The following FRS2 variants were observed in gnomAD, a reference collection of about 807,000 sequenced individuals.
The protein encoded by FRS2 is fibroblast growth factor receptor substrate 2.
Under a neutral mutation model 43.9 loss-of-function variants are expected in FRS2, and 8 were observed. The ratio of observed to expected loss-of-function variants is 0.18; its 90% CI spans 0.11 to 0.33. FRS2 has a LOEUF of 0.33. FRS2 is among the 10% of genes least tolerant of loss of function. FRS2 has a pLI of 1.00. For missense variants in FRS2, 534 were observed against 627.6 expected (o/e 0.85, Z 1.59); for synonymous variants, 219 against 220.3 (o/e 0.99, Z 0.05).
chr12:69,549,458 C>T (rs568553176), intron 3 of FRS2, among the ~76,000 whole-genome samples: 24 of 152,196 alleles, frequency 1.6e-4, no homozygotes, highest in Non-Finnish European at 2.8e-4. Context: ...CAAATCATCA[C>T]GTCTAACTTT....
At chr12:69,551,197 A>T (rs1158186764) in intron 3 of FRS2, among the ~76,000 whole-genome samples, 1 of 152,126 alleles carries the variant, frequency 6.6e-6, no homozygotes, top group African/African-American at 2.4e-5. Context: ...CAAAACATTT[A>T]AAAAATTAGC....
At chr12:69,519,189 G>A (rs939155598) in intron 1 of FRS2, among the ~76,000 whole-genome samples, 4 of 152,156 alleles carry the variant, frequency 2.6e-5, no homozygotes, top group African/African-American at 7.2e-5. Context: ...AGAAGAGGTT[G>A]TCAAATACTG....
rs1555192498 is a variant in FRS2, at chr12:69,557,619, T to TGTGTGTGTGTGCGCGCGC, written c.-121-4560_-121-4559insTGTGTGTGTGCGCGCGCG. Reference sequence around the variant, plus strand: ...TTGTGTGTGTGTGTGTGTGTGTGTGTGCGCGCGCGCGCGCGCGCAGGTGCA... The same window carrying TGTGTGTGTGTGCGCGCGC: ...TTGTGTGTGTGTGTGTGTGTGTGTGTGTGTGTGTGTGCGCGCGCGCGCGCGCGCGCGCGCGCAGGTGCA... On this transcript the variant is annotated intron_variant, in intron 3 of 8. Coordinates refer to ENST00000549921, the MANE Select transcript of FRS2 (RefSeq NM_001278356.2). 4.2e-5 allele frequency among the ~76,000 whole-genome samples: 5 copies of TGTGTGTGTGTGCGCGCGC among 118,964 alleles called. No homozygotes were observed. In the East Asian group the frequency reaches 9.9e-4, roughly 24 times the overall value. 78.0% of individuals were successfully genotyped at this position (118,964 alleles called of 152,430 possible).
At chr12:69,509,605 T>A (rs1023239831) in intron 1 of FRS2, among the ~76,000 whole-genome samples, 6 of 152,124 alleles carry the variant, frequency 3.9e-5, no homozygotes, top group Non-Finnish European at 8.8e-5. Context: ...CATTTCCCCC[T>A]CCCTAGCTCT....
At chr12:69,569,351 C>T (rs915575798) in intron 5 of FRS2, among the ~76,000 whole-genome samples, 7 of 152,036 alleles carry the variant, frequency 4.6e-5, no homozygotes, top group Admixed American at 6.5e-5. Context: ...TGCCATTTTA[C>T]GGGGTGCCTT....
At chr12:69,526,984 A>G (rs1322036606) in intron 1 of FRS2, among the ~76,000 whole-genome samples, 1 of 152,188 alleles carries the variant, frequency 6.6e-6, no homozygotes, top group Admixed American at 6.5e-5. Context: ...TGGCCTCCCA[A>G]AGTGCTAGGA....
intron 3 of FRS2, among the ~76,000 whole-genome samples, chr12:69,548,716 A>G (rs1018739764): frequency 1.3e-5 from 2 of 152,210 alleles, no homozygotes; most frequent in Non-Finnish European, 2.9e-5. Flanking sequence ...GAAATCAGCA[A>G]GTGATATTGG....
At chr12:69,526,925 A>G (rs1339139056) in intron 1 of FRS2, among the ~76,000 whole-genome samples, 1 of 152,062 alleles carries the variant, frequency 6.6e-6, no homozygotes, top group East Asian at 1.9e-4. Flanking sequence ...GGGTTTCACC[A>G]TGTTATCCAG....
chr12:69,495,071 G>A (rs1342250339), intron 1 of FRS2, among the ~76,000 whole-genome samples: 3 of 152,000 alleles, frequency 2.0e-5, no homozygotes, highest in South Asian at 2.1e-4. Context: ...TCGCCTGGCC[G>A]CTTCTAGGTT....
chr12:69,572,687 C>G (rs986692423), intron 8 of FRS2, among the ~76,000 whole-genome samples: 3 of 152,172 alleles, frequency 2.0e-5, no homozygotes, highest in African/African-American at 7.2e-5. Context: ...CCCGAGTATG[C>G]TAGTTTTCAT....
intron 1 of FRS2, among the ~76,000 whole-genome samples, chr12:69,495,985 T>C (rs1872850659): frequency 6.6e-6 from 1 of 152,240 alleles, no homozygotes; most frequent in Non-Finnish European, 1.5e-5. Flanking sequence ...ATGCCAGATT[T>C]GGAGGCCAAG....
At chr12:69,494,979 G>T (rs1488242259) in intron 1 of FRS2, among the ~76,000 whole-genome samples, 1 of 151,996 alleles carries the variant, frequency 6.6e-6, no homozygotes, top group African/African-American at 2.4e-5. Flanking sequence ...TCACCATGTT[G>T]GCCAGGCTGA....
chr12:69,472,388 C>G (rs1035710660), intron 1 of FRS2, among the ~76,000 whole-genome samples: 1 of 152,024 alleles, frequency 6.6e-6, no homozygotes, highest in South Asian at 2.1e-4. Flanking sequence ...CCACCATCCC[C>G]AGCATATTTG....
intron 1 of FRS2, among the ~76,000 whole-genome samples, chr12:69,474,005 G>A (rs372175386): frequency 2.6e-5 from 4 of 152,256 alleles, no homozygotes; most frequent in African/African-American, 9.6e-5. Flanking sequence ...ACCACGCCCA[G>A]CTAACTTTTG....
chr12:69,492,861 CCTT>C (rs573541269), intron 1 of FRS2, among the ~76,000 whole-genome samples: 3 of 152,140 alleles, frequency 2.0e-5, no homozygotes, highest in Non-Finnish European at 4.4e-5. Context: ...CAGCCATTGT[CCTT>C]CAGATGTGTC....
intron 1 of FRS2, among the ~76,000 whole-genome samples, chr12:69,482,737 G>A (rs1454108673): frequency 2.0e-5 from 3 of 152,168 alleles, no homozygotes; most frequent in African/African-American, 7.2e-5. Flanking sequence ...AGTTCCGAGG[G>A]CTCTTGCTTA....
At chr12:69,488,029 C>G (rs544997670) in intron 1 of FRS2, among the ~76,000 whole-genome samples, 1 of 152,236 alleles carries the variant, frequency 6.6e-6, no homozygotes, top group African/African-American at 2.4e-5. Flanking sequence ...TAGGAATGAG[C>G]AAAGAATAGT....
At chr12:69,567,563 A>G (rs1453414342) in intron 4 of FRS2, among the ~76,000 whole-genome samples, 2 of 152,146 alleles carry the variant, frequency 1.3e-5, no homozygotes, top group Non-Finnish European at 2.9e-5. Context: ...ACCTGCCACA[A>G]TTTCTACTCA....
intron 1 of FRS2, among the ~76,000 whole-genome samples, chr12:69,526,812 C>T (rs1020505649): frequency 6.6e-6 from 1 of 152,078 alleles, no homozygotes; most frequent in African/African-American, 2.4e-5. Flanking sequence ...CAATCTCCGC[C>T]TCCCAGGTTC....
Sources: allele counts gnomAD v4.1 joint callset (sites outside exome capture counted in the v4.1 genomes callset), GRCh38; gene constraint gnomAD v4.1.1; transcripts MANE v1.5; gene names NCBI Gene and HGNC (gene_info 2026-07-23, HGNC 2026-07-21).